Variants in TSHR observed in about 807,000 individuals in gnomAD.
TSHR encodes thyrotropin receptor.
TSHR carries 51 observed loss-of-function variants against 64.1 expected under a neutral mutation model. That is an observed-to-expected ratio of 0.80 (90% confidence interval 0.64 to 1.01). The LOEUF (loss-of-function observed/expected upper bound fraction) is 1.01. TSHR is among the 50% of genes least tolerant of loss of function. The pLI, the probability that TSHR is intolerant of heterozygous loss-of-function variation, is 0.00. For missense variants in TSHR, 877 were observed against 942.8 expected, an observed-to-expected ratio of 0.93 and a Z score of 0.91; for synonymous variants, 361 against 361.9, an observed-to-expected ratio of 1.00 and a Z score of 0.03.
At chr14:81,110,951 CT>C in intron 8 of TSHR, among the ~76,000 whole-genome samples, 1 of 152,178 alleles carries the variant, frequency 6.6e-6, no homozygotes, top group East Asian at 1.9e-4. Context: ...TTTTATGAAA[CT>C]TTAAAAAATA....
chr14:81,121,066 A>G (rs896442391), intron 8 of TSHR, among the ~76,000 whole-genome samples: 1 of 152,132 alleles, frequency 6.6e-6, no homozygotes, highest in Non-Finnish European at 1.5e-5. Flanking sequence ...AACCCAACTA[A>G]CAAAAGTTTT....
chr14:81,036,858 G>T (rs1354384729), intron 1 of TSHR, among the ~76,000 whole-genome samples: 2 of 152,040 alleles, frequency 1.3e-5, no homozygotes, highest in Non-Finnish European at 2.9e-5. Flanking sequence ...ATTTGGTGGG[G>T]GAGGCCAGGT....
At chr14:80,975,312 T>A (rs1054951883) in intron 1 of TSHR, among the ~76,000 whole-genome samples, 3 of 152,266 alleles carry the variant, frequency 2.0e-5, no homozygotes, top group African/African-American at 7.2e-5. Context: ...CCCATCCTTT[T>A]CTTCTCCACT....
At chr14:81,007,702 T>C (rs1164588615) in intron 1 of TSHR, among the ~76,000 whole-genome samples, 1 of 152,212 alleles carries the variant, frequency 6.6e-6, no homozygotes, top group Non-Finnish European at 1.5e-5. Context: ...ATGGGAAGTT[T>C]AGGACTTCAC....
intron 1 of TSHR, among the ~76,000 whole-genome samples, chr14:81,002,358 TC>T (rs1382535672): frequency 6.6e-6 from 1 of 152,074 alleles, no homozygotes; most frequent in African/African-American, 2.4e-5. Flanking sequence ...TCTCTAAATA[TC>T]AGTTGTGTGT....
At chr14:81,015,395 A>G (rs1203077349) in intron 1 of TSHR, among the ~76,000 whole-genome samples, 4 of 152,200 alleles carry the variant, frequency 2.6e-5, no homozygotes, top group Non-Finnish European at 5.9e-5. Context: ...ATAATTTTCA[A>G]GACGGGCAAG....
intron 7 of TSHR, chr14:81,104,507 C>T (rs1013799215): frequency 8.1e-6 from 8 of 985,390 alleles, no homozygotes; most frequent in South Asian, 4.7e-5. Flanking sequence ...GCATAGATCA[C>T]GTCTTTCTAA....
intron 1 of TSHR, among the ~76,000 whole-genome samples, chr14:81,019,559 A>G (rs1157152107): frequency 6.8e-6 from 1 of 147,660 alleles, no homozygotes; most frequent in Non-Finnish European, 1.5e-5. Flanking sequence ...TGCTGCACCC[A>G]TCAACCCGTC....
chr14:81,089,984 G>C (rs1473478883), intron 4 of TSHR, among the ~76,000 whole-genome samples: 8 of 151,670 alleles, frequency 5.3e-5, no homozygotes, highest in Non-Finnish European at 8.8e-5. Flanking sequence ...TTTTCTACCA[G>C]AAGACCTTCT....
chr14:81,120,480 G>A (rs73340227), intron 8 of TSHR, among the ~76,000 whole-genome samples: 178 of 152,200 alleles, frequency 1.2e-3, no homozygotes, highest in African/African-American at 4.2e-3. Context: ...TTTTCTGATA[G>A]CTTATTGTTT....
At chr14:81,115,259 G>A (rs1293176036) in intron 8 of TSHR, among the ~76,000 whole-genome samples, 1 of 151,672 alleles carries the variant, frequency 6.6e-6, no homozygotes, top group Non-Finnish European at 1.5e-5. Context: ...TCAAACCAAA[G>A]GCAAAGAAGT....
At chr14:81,110,525 T>C (rs1178686877) in intron 8 of TSHR, among the ~76,000 whole-genome samples, 1 of 152,218 alleles carries the variant, frequency 6.6e-6, no homozygotes, top group Non-Finnish European at 1.5e-5. Flanking sequence ...TGTAAGAAAA[T>C]ACATTTCTGT....
At chr14:81,071,689 C>A (rs1034589378) in intron 3 of TSHR, among the ~76,000 whole-genome samples, 2 of 152,126 alleles carry the variant, frequency 1.3e-5, no homozygotes, top group African/African-American at 2.4e-5. Flanking sequence ...TAAGCCCAGG[C>A]ATTCCAGGCT....
chr14:80,977,320 G>A (rs2139713484), intron 1 of TSHR, among the ~76,000 whole-genome samples: 1 of 152,308 alleles, frequency 6.6e-6, no homozygotes, highest in Non-Finnish European at 1.5e-5. Flanking sequence ...GTCATAAAGT[G>A]GCCATGTGAT....
At chr14:80,984,334 A>AGAGAAGGTGGAAACATTTTGT (rs1359967844) in intron 1 of TSHR, among the ~76,000 whole-genome samples, 21 of 152,360 alleles carry the variant, frequency 1.4e-4, no homozygotes, top group Admixed American at 3.3e-4. Flanking sequence ...ATCTCACAAA[A>AGAGAAGGTGGAAACATTTTGT]GAGAAGGTGG....
At chr14:81,104,765 T>A in intron 7 of TSHR, 1 of 985,432 alleles carries the variant, frequency 1.0e-6, no homozygotes, top group Non-Finnish European at 1.2e-6. Flanking sequence ...CTATTCACAA[T>A]CTTAAATCAG....
chr14:81,137,889 G>T (rs564472216), intron 8 of TSHR, among the ~76,000 whole-genome samples: 4 of 152,140 alleles, frequency 2.6e-5, no homozygotes, highest in African/African-American at 4.8e-5. Context: ...ATGCTCTCCC[G>T]TTTCACTGAC....
At chr14:81,007,329 A>C (rs552182392) in intron 1 of TSHR, among the ~76,000 whole-genome samples, 1 of 152,352 alleles carries the variant, frequency 6.6e-6, no homozygotes, top group South Asian at 2.1e-4. Context: ...CCAGTAGACT[A>C]AGATAGTCAT....
rs1463994950 is a variant in TSHR, at chr14:81,103,771, G to A, written c.615-4604G>A. On this transcript the variant is annotated intron_variant, in intron 7 of 9. Coordinates refer to ENST00000298171, the MANE Select transcript of TSHR (RefSeq NM_000369.5). The surrounding 1 kb of genome is among the most constrained non-coding windows in gnomAD (Gnocchi z 4.1). ...AATTTCTTTTCCATCCTCTTTCCAC[G>A]CAATCTGCGTGGGGATATGTTGCTT... 2.5e-5 allele frequency: 25 copies of A among 985,444 alleles called. No individual in the cohort carries two copies. Among genetic ancestry groups the A allele is most frequent in the South Asian group, 9.4e-5 (2 of 21,290 alleles). 61.0% of individuals were successfully genotyped at this position (985,444 alleles called of 1,614,324 possible). A position where few individuals can be genotyped will look rare whatever the true frequency, so the allele number is the denominator to read the frequency against.
Sources: gnomAD v4.1 joint callset for allele counts (sites outside exome capture counted in the v4.1 genomes callset) on GRCh38, gnomAD v4.1.1 for gene constraint, Gnocchi (gnomAD v3.1) non-coding constraint, MANE v1.5 for transcripts, NCBI Gene and HGNC (gene_info 2026-07-23, HGNC 2026-07-21) for gene names.